The following ATXN10 variants were observed in gnomAD, a reference collection of about 807,000 sequenced individuals.
ATXN10 encodes ataxin 10.
ATXN10 carries 28 observed loss-of-function variants against 52.9 expected under a neutral mutation model. The ratio of observed to expected loss-of-function variants is 0.53; its 90% CI spans 0.39 to 0.73. The LOEUF (loss-of-function observed/expected upper bound fraction) is 0.73. Ranked by LOEUF, ATXN10 falls within the 30% of genes least tolerant of loss-of-function variation. The pLI, the probability that ATXN10 is intolerant of heterozygous loss-of-function variation, is 0.00. For synonymous variants in ATXN10, 226 were observed against 221.5 expected (o/e 1.02, Z -0.18); for missense variants, 565 against 577.0 (o/e 0.98, Z 0.21).
rs554780120 is a variant in ATXN10, at chr22:45,715,674, T to G, written c.648-2739T>G. Among the ~76,000 whole-genome samples the G allele has an allele frequency of 1.3e-5, 2 of 152,324 alleles. No individual in the cohort carries two copies. The highest frequency in any genetic ancestry group is 4.1e-4 in the South Asian group (2 of 4,824). On this transcript the variant is annotated intron_variant, in intron 5 of 11. Coordinates refer to ENST00000252934, the MANE Select transcript of ATXN10 (RefSeq NM_013236.4). The surrounding 1 kb of genome is among the most constrained non-coding windows in gnomAD (Gnocchi z 4.4). ...ATGATCTTGGTAGTACTGTCGTAGG[T>G]AGCCACCTTCACCTGAGTGATATTT... is the stretch of plus-strand genomic sequence containing the variant.
intron 4 of ATXN10, among the ~76,000 whole-genome samples, chr22:45,700,942 G>A (rs577211141): frequency 2.6e-5 from 4 of 152,232 alleles, no homozygotes; most frequent in Admixed American, 2.0e-4. Flanking sequence ...CATTTGTCTC[G>A]ATTGGATCCT....
intron 6 of ATXN10, among the ~76,000 whole-genome samples, chr22:45,724,925 T>A (rs754106040): frequency 1.2e-4 from 18 of 152,144 alleles, no homozygotes; most frequent in Non-Finnish European, 2.4e-4. Flanking sequence ...TTTCCCCAGT[T>A]TATGTTTTTG....
At position 45,772,588 on chromosome 22, in the gene ATXN10, A is replaced by G. The variant is rs571578299; in HGVS notation, c.1173+32050A>G. Among the ~76,000 whole-genome samples, 58 of 152,256 alleles carry G rather than the reference A, an allele frequency of 3.8e-4. No homozygotes were observed. In the Middle Eastern group the frequency reaches 0.01, roughly 27 times the overall value. ...TTTAGAATAGCTTTTTCATAACTCT[A>G]CAAAACTCTGCTGTGATTGTGATTG... On this transcript the variant is annotated intron_variant, in intron 9 of 11. Coordinates refer to ENST00000252934, the MANE Select transcript of ATXN10 (RefSeq NM_013236.4). This position sits in a 1 kb window ranked among gnomAD's most constrained non-coding sequence, Gnocchi z 4.1.
chr22:45,821,970 C>T (rs561786809), intron 10 of ATXN10, among the ~76,000 whole-genome samples: 34 of 152,332 alleles, frequency 2.2e-4, no homozygotes, highest in Middle Eastern at 3.4e-3. Flanking sequence ...TCTAGTCCTC[C>T]GCTGGCCTGA....
At chr22:45,814,430 C>T (rs1450827710) in intron 10 of ATXN10, among the ~76,000 whole-genome samples, 1 of 152,112 alleles carries the variant, frequency 6.6e-6, no homozygotes, top group East Asian at 1.9e-4. Context: ...ACCACTAGAC[C>T]CCACCAGAAT....
At chr22:45,748,166 G>A (rs545242100) in intron 9 of ATXN10, among the ~76,000 whole-genome samples, 15 of 151,582 alleles carry the variant, frequency 9.9e-5, no homozygotes, top group Admixed American at 4.6e-4. Context: ...GCAACAGAGC[G>A]AGACTCTGTC....
At chr22:45,726,882 G>A (rs1295122109) in intron 6 of ATXN10, among the ~76,000 whole-genome samples, 1 of 152,054 alleles carries the variant, frequency 6.6e-6, no homozygotes, top group Non-Finnish European at 1.5e-5. Flanking sequence ...GTATTTCACC[G>A]TGTCGCCCGG....
At chr22:45,832,888 G>A (rs2146911687) in intron 10 of ATXN10, among the ~76,000 whole-genome samples, 1 of 152,292 alleles carries the variant, frequency 6.6e-6, no homozygotes, top group East Asian at 1.9e-4. Flanking sequence ...TCAAGGGAGA[G>A]TTTTAGAACT....
In ATXN10 at chr22:45,688,250, T is replaced by G. The variant is rs1331389237; in HGVS notation, c.117-1462T>G. Among the ~76,000 whole-genome samples the G allele has an allele frequency of 6.6e-6, 1 of 152,228 alleles. No individual in the cohort carries two copies. Among genetic ancestry groups the G allele is most frequent in the African/African-American group, 2.4e-5 (1 of 41,458 alleles). ...AAGTTTCATTATTTACACTCAGGGC[T>G]GACTGGGGGAGACATAGACAAATTA... On this transcript the variant is annotated intron_variant, in intron 1 of 11. Coordinates refer to ENST00000252934, the MANE Select transcript of ATXN10 (RefSeq NM_013236.4). This position sits in a 1 kb window ranked among gnomAD's most constrained non-coding sequence, Gnocchi z 4.0.
Position 45,759,134 on chromosome 22 carries a change from G to A in ATXN10, c.1173+18596G>A, listed in dbSNP as rs1243348548. ...GAGCACACTGTGTGCCAAGCATTAT[G>A]CGAGGTGCTGGAGAGAAGGAAGGGG... is the stretch of plus-strand genomic sequence containing the variant. On this transcript the variant is annotated intron_variant, in intron 9 of 11. Coordinates refer to ENST00000252934, the MANE Select transcript of ATXN10 (RefSeq NM_013236.4). This position sits in a 1 kb window ranked among gnomAD's most constrained non-coding sequence, Gnocchi z 5.4. 6.6e-6 allele frequency among the ~76,000 whole-genome samples: 1 copy of A among 152,164 alleles called. No homozygotes were observed. The highest frequency in any genetic ancestry group is 1.5e-5 in the Non-Finnish European group (1 of 68,022).
At chr22:45,808,208 GC>G (rs149919049) in intron 10 of ATXN10, among the ~76,000 whole-genome samples, 2 of 151,880 alleles carry the variant, frequency 1.3e-5, no homozygotes, top group African/African-American at 2.4e-5. Context: ...CATTTTTTTA[GC>G]CCCCCAAAAA....
rs1424877529 is a variant in ATXN10, at chr22:45,751,764, A to AATG, written c.1173+11228_1173+11229insGAT. On this transcript the variant is annotated intron_variant, in intron 9 of 11. Coordinates refer to ENST00000252934, the MANE Select transcript of ATXN10 (RefSeq NM_013236.4). Reference sequence around the variant, plus strand: ...GGAAAAAAAAAAAAAATAAAAAAAAAATAATAATAATAATAATAATAATAA... The same window carrying AATG: ...GGAAAAAAAAAAAAAATAAAAAAAAAATGATAATAATAATAATAATAATAATAA... Among the ~76,000 whole-genome samples, 4 of 58,294 alleles carry AATG rather than the reference A, an allele frequency of 6.9e-5. No individual in the cohort carries two copies. The South Asian group carries it at 1.2e-3, about 18-fold the overall frequency. The allele number at this position is 58,294 out of a possible 152,430, so 38.2% of individuals were successfully genotyped here.
intron 9 of ATXN10, among the ~76,000 whole-genome samples, chr22:45,797,770 A>T (rs1193431969): frequency 1.3e-5 from 2 of 152,220 alleles, no homozygotes; most frequent in Non-Finnish European, 2.9e-5. Context: ...CTGGATGCAT[A>T]TTTAAAAAGA....
chr22:45,738,501 C>T (rs551853308), intron 7 of ATXN10: 3 of 499,740 alleles, frequency 6.0e-6, no homozygotes, highest in Non-Finnish European at 1.1e-5. Flanking sequence ...CATAATGACA[C>T]ATAATCTTGC....
At chr22:45,830,520 A>G (rs913475884) in intron 10 of ATXN10, among the ~76,000 whole-genome samples, 1 of 152,172 alleles carries the variant, frequency 6.6e-6, no homozygotes. Flanking sequence ...CAATAAAACA[A>G]CCTCATTCAA....
chr22:45,720,608 G>A (rs773397963), intron 6 of ATXN10, among the ~76,000 whole-genome samples: 2 of 152,132 alleles, frequency 1.3e-5, no homozygotes, highest in African/African-American at 2.4e-5. Context: ...CAGAAACTCT[G>A]TACCCATTAA....
In ATXN10 at chr22:45,754,898, A is replaced by G. The variant is rs967989062; in HGVS notation, c.1173+14360A>G. 1.3e-5 allele frequency among the ~76,000 whole-genome samples: 2 copies of G among 152,232 alleles called. No homozygotes were observed. Among genetic ancestry groups the G allele is most frequent in the African/African-American group, 4.8e-5 (2 of 41,470 alleles). On this transcript the variant is annotated intron_variant, in intron 9 of 11. Coordinates refer to ENST00000252934, the MANE Select transcript of ATXN10 (RefSeq NM_013236.4). This position sits in a 1 kb window ranked among gnomAD's most constrained non-coding sequence, Gnocchi z 5.4. The stretch of plus-strand genomic sequence containing the variant: ...CCTTGCAACAGGCTCTTGGGCAGGC[A>G]GCCACCATGAAGGGGTGCCAAGAGT...
chr22:45,734,950 T>G (rs1925234746), intron 7 of ATXN10, among the ~76,000 whole-genome samples: 1 of 151,484 alleles, frequency 6.6e-6, no homozygotes, highest in Non-Finnish European at 1.5e-5. Flanking sequence ...AGAGGTGTGG[T>G]CTTGGCTCAC....
At chr22:45,694,842 G>T (rs1954785000) in intron 3 of ATXN10, among the ~76,000 whole-genome samples, 1 of 148,294 alleles carries the variant, frequency 6.7e-6, no homozygotes, top group Admixed American at 6.8e-5. Context: ...CTTGGAGGCT[G>T]AGGTAGGAAG....
Sources: allele counts gnomAD v4.1 joint callset (sites outside exome capture counted in the v4.1 genomes callset), GRCh38; gene constraint gnomAD v4.1.1; non-coding constraint Gnocchi (gnomAD v3.1); transcripts MANE v1.5; gene names NCBI Gene and HGNC (gene_info 2026-07-23, HGNC 2026-07-21).